PLCH1: variants seen among roughly 807,000 people sequenced by gnomAD.
PLCH1 encodes the protein phospholipase C eta 1.
PLCH1 carries 60 observed loss-of-function variants against 126.7 expected under a neutral mutation model. The ratio of observed to expected loss-of-function variants is 0.47; its 90% CI spans 0.38 to 0.59. PLCH1 has a LOEUF of 0.59. Among genes scored for constraint, PLCH1 ranks in the 20% least tolerant of loss-of-function variants. The pLI is 0.00. For missense variants in PLCH1, 1,723 were observed against 2,040.0 expected (o/e 0.84, Z 2.99); for synonymous variants, 719 against 734.9 (o/e 0.98, Z 0.35).
At chr3:155,608,317 A>G (rs1734606844) in intron 2 of PLCH1, among the ~76,000 whole-genome samples, 1 of 152,138 alleles carries the variant, frequency 6.6e-6, no homozygotes, top group African/African-American at 2.4e-5. Flanking sequence ...AACTTTCTTG[A>G]GCAGAATCTG....
intron 21 of PLCH1, among the ~76,000 whole-genome samples, chr3:155,465,612 A>C (rs1234462062): frequency 6.6e-6 from 1 of 151,890 alleles, no homozygotes; most frequent in East Asian, 1.9e-4. Context: ...GAAAAGTAAA[A>C]GGGACTCTCT....
intron 2 of PLCH1, among the ~76,000 whole-genome samples, chr3:155,628,443 C>T (rs540226339): frequency 6.6e-6 from 1 of 151,740 alleles, no homozygotes; most frequent in Admixed American, 6.6e-5. Context: ...CTAAGTTCCC[C>T]TCAGCTTACC....
rs6773291 is a variant in PLCH1, at chr3:155,549,638, A to T, written c.1362+149T>A. 3.0e-3 allele frequency: 1,763 copies of T among 583,086 alleles called. 31 individuals are homozygous for T. Among genetic ancestry groups the T allele is most frequent in the African/African-American group, 0.029 (1,584 of 53,740 alleles). 36.1% of individuals were successfully genotyped at this position (583,086 alleles called of 1,614,324 possible). On this transcript the variant is annotated intron_variant, in intron 10 of 22. Transcript: ENST00000460012. Reference sequence around the variant, plus strand: ...CTTCTGAAGACACGACTATAAAAAAATTGGAATAAGGCGCATACATAGATC... The same window carrying T: ...CTTCTGAAGACACGACTATAAAAAATTTGGAATAAGGCGCATACATAGATC...
At chr3:155,518,223 G>A (rs2108263482) in intron 11 of PLCH1, among the ~76,000 whole-genome samples, 2 of 152,286 alleles carry the variant, frequency 1.3e-5, no homozygotes, top group Admixed American at 1.3e-4. Flanking sequence ...ACTGCAGGAA[G>A]CAAACCCACA....
chr3:155,527,412 A>G (rs1471018435), intron 10 of PLCH1, among the ~76,000 whole-genome samples: 1 of 152,184 alleles, frequency 6.6e-6, no homozygotes, highest in African/African-American at 2.4e-5. Context: ...CTACCAGCTT[A>G]GTCATATTTT....
At chr3:155,741,684 C>CTTTTATTTTTTTTTTATTTTTA in intron 1 of PLCH1, among the ~76,000 whole-genome samples, 4,101 of 102,362 alleles carry the variant, frequency 0.04, 97 homozygotes, top group South Asian at 0.074. Context: ...TTTATATCCT[C>CTTTTATTTTTTTTTTATTTTTA]TTTTTTTTTT....
At chr3:155,654,304 CCTT>C (rs1487468856) in intron 2 of PLCH1, among the ~76,000 whole-genome samples, 2 of 151,900 alleles carry the variant, frequency 1.3e-5, no homozygotes, top group Admixed American at 1.3e-4. Flanking sequence ...CAGCCTATGA[CCTT>C]CTTCTTTCTC....
intron 1 of PLCH1, chr3:155,742,255 T>A (rs1247508429): frequency 6.6e-6 from 1 of 152,208 alleles, no homozygotes; most frequent in African/African-American, 2.4e-5. Flanking sequence ...CGTTAAGAAT[T>A]TTCACAGTAT....
Position 155,482,772 on chromosome 3 carries a change from T to G in PLCH1, c.3254A>C (p.Asp1085Ala), listed in dbSNP as rs1714375868. The G allele has an allele frequency of 2.5e-6, 4 of 1,614,168 alleles. No homozygotes were observed. The highest frequency in any genetic ancestry group is 3.4e-6 in the Non-Finnish European group (4 of 1,180,024). Residue 1085 changes from aspartate to alanine, a missense_variant, in exon 23 of 23, where the codon GAT (aspartate) becomes GCT (alanine). By Grantham distance (126) the Asp-to-Ala change is moderately radical (BLOSUM62 -2). Transcript: ENST00000460012. ...ATCTTGTGTGGGGTTAACTACAGGATCGGGAGCCAAATGCTGCTTTGGGGA... is the reference window on the plus strand; with the variant it reads ...ATCTTGTGTGGGGTTAACTACAGGAGCGGGAGCCAAATGCTGCTTTGGGGA... The part of the protein sequence containing the change: ...SLSPKQHLAP[D>A]PVVNPTQDLH...
In PLCH1 at chr3:155,717,234, G is replaced by A. The variant is rs147498480; in HGVS notation, c.-40-12970C>T. On this transcript the variant is annotated intron_variant, in intron 1 of 22. Coordinates refer to ENST00000460012, the MANE Select transcript of PLCH1 (RefSeq NM_014996.4). Reference sequence around the variant, plus strand: ...TCAGCCTCTGCAGCTGCTGTTACAGGTTGCTGGGAGCCTGTGGCTTTTCCT... The same window carrying A: ...TCAGCCTCTGCAGCTGCTGTTACAGATTGCTGGGAGCCTGTGGCTTTTCCT... 3.9e-4 allele frequency among the ~76,000 whole-genome samples: 60 copies of A among 152,364 alleles called. No homozygotes were observed. The East Asian group carries it at 0.011, about 29-fold the overall frequency.
In PLCH1 at chr3:155,733,959, A is replaced by G. The variant is rs1301345337; in HGVS notation, c.-41+10881T>C. On this transcript the variant is annotated intron_variant, in intron 1 of 22. Coordinates refer to ENST00000460012, the MANE Select transcript of PLCH1 (RefSeq NM_014996.4). ...CATATATATATATATATATATATATATATATATATATATATATATGCACTC... is the reference window on the plus strand; with the variant it reads ...CATATATATATATATATATATATATGTATATATATATATATATATGCACTC... Among the ~76,000 whole-genome samples the G allele has an allele frequency of 7.7e-4, 75 of 96,874 alleles. 1 individual carries two copies. Among genetic ancestry groups the G allele is most frequent in the African/African-American group, 2.3e-3 (58 of 25,462 alleles). The allele number at this position is 96,874 out of a possible 152,430, so 63.6% of individuals were successfully genotyped here. A position where few individuals can be genotyped will look rare whatever the true frequency, so the allele number is the denominator to read the frequency against.
chr3:155,625,745 A>T (rs560575349), intron 2 of PLCH1, among the ~76,000 whole-genome samples: 1 of 152,196 alleles, frequency 6.6e-6, no homozygotes, highest in Non-Finnish European at 1.5e-5. Flanking sequence ...GCTGGAGAGG[A>T]TGTGGAGAAA....
chr3:155,468,470 A>G (rs905715591), intron 21 of PLCH1, among the ~76,000 whole-genome samples: 4 of 152,142 alleles, frequency 2.6e-5, no homozygotes, highest in African/African-American at 9.7e-5. Flanking sequence ...GAAAAACAAG[A>G]CCCACTGATC....
rs773238026 is a variant in PLCH1, at chr3:155,514,930, C to T, written c.1471-46G>A. ...CAAATGATTTCCTTAAGAAACACAC[C>T]GAATTAGAATATACCCTTTGATCAA... On this transcript the variant is annotated intron_variant, in intron 11 of 22. Coordinates refer to ENST00000460012, the MANE Select transcript of PLCH1 (RefSeq NM_014996.4). 8 of 1,338,346 alleles carry T rather than the reference C, an allele frequency of 6.0e-6. No individual in the cohort carries two copies. The African/African-American group carries it at 8.7e-5, about 15-fold the overall frequency. The allele number at this position is 1,338,346 out of a possible 1,614,324, so 82.9% of individuals were successfully genotyped here.
intron 10 of PLCH1, among the ~76,000 whole-genome samples, chr3:155,526,731 G>A (rs1034639577): frequency 1.3e-5 from 2 of 152,152 alleles, no homozygotes; most frequent in Admixed American, 6.5e-5. Flanking sequence ...GAGAGACCCT[G>A]AGCAGAGGAC....
intron 21 of PLCH1, among the ~76,000 whole-genome samples, chr3:155,458,292 A>G (rs1014490920): frequency 2.1e-5 from 3 of 145,952 alleles, no homozygotes; most frequent in Admixed American, 6.9e-5. Flanking sequence ...CCGTGAGCCA[A>G]GATTGCACCA....
chr3:155,568,822 C>A (rs1369564899), intron 6 of PLCH1, among the ~76,000 whole-genome samples: 1 of 149,814 alleles, frequency 6.7e-6, no homozygotes, highest in Non-Finnish European at 1.5e-5. Flanking sequence ...GAGCAGTCTG[C>A]CATGGTAATA....
intron 2 of PLCH1, among the ~76,000 whole-genome samples, chr3:155,675,383 T>C (rs1743989103): frequency 6.6e-6 from 1 of 152,192 alleles, no homozygotes; most frequent in Admixed American, 6.5e-5. Flanking sequence ...ATTTCTAATC[T>C]CCTAACTCAT....
At position 155,673,956 on chromosome 3, in the gene PLCH1, C is replaced by T. The variant is rs1322594824; in HGVS notation, c.79+30190G>A. On this transcript the variant is annotated intron_variant, in intron 2 of 22. Coordinates refer to ENST00000460012, the MANE Select transcript of PLCH1 (RefSeq NM_014996.4). ...ATTATCCTTATTTGTACAACTATAC[C>T]ATCTTACATATCTGGGGTCCTTTTC... 4.6e-5 allele frequency among the ~76,000 whole-genome samples: 7 copies of T among 152,044 alleles called. No homozygotes were observed. In the East Asian group the frequency reaches 1.2e-3, roughly 25 times the overall value.
Sources: allele counts gnomAD v4.1 joint callset (sites outside exome capture counted in the v4.1 genomes callset), GRCh38; gene constraint gnomAD v4.1.1; transcripts MANE v1.5; gene names NCBI Gene and HGNC (gene_info 2026-07-23, HGNC 2026-07-21).